The following PDE4D variants were observed in gnomAD, a reference collection of about 807,000 sequenced individuals.
PDE4D encodes 3',5'-cyclic-AMP phosphodiesterase 4D.
Under a neutral mutation model 87.4 loss-of-function variants are expected in PDE4D, and 24 were observed. The observed-to-expected ratio is 0.27, with a 90% CI of 0.20 to 0.39. The LOEUF is 0.39. Among genes scored for constraint, PDE4D ranks in the 10% least tolerant of loss-of-function variants. The pLI is 1.00. For synonymous variants in PDE4D, 384 were observed against 383.2 expected, an observed-to-expected ratio of 1.00 and a Z score of -0.02; for missense variants, 714 against 1,041.0, an observed-to-expected ratio of 0.69 and a Z score of 4.32.
intron 3 of PDE4D, among the ~76,000 whole-genome samples, chr5:59,938,721 A>T (rs572317843): frequency 9.9e-5 from 15 of 152,262 alleles, no homozygotes; most frequent in African/African-American, 2.9e-4. Flanking sequence ...TCCTGCTAGC[A>T]AGGCCTACCC....
chr5:60,301,552 T>C (rs1753894476), intron 1 of PDE4D, among the ~76,000 whole-genome samples: 1 of 152,224 alleles, frequency 6.6e-6, no homozygotes, highest in Admixed American at 6.5e-5. Context: ...CTTTTGCAAA[T>C]TGATTTTGTA....
intron 2 of PDE4D, among the ~76,000 whole-genome samples, chr5:60,000,502 G>C (rs942893201): frequency 5.3e-5 from 8 of 152,074 alleles, no homozygotes; most frequent in African/African-American, 1.9e-4. Flanking sequence ...TGAAAATGGA[G>C]GAGAAATAAA....
intron 5 of PDE4D, among the ~76,000 whole-genome samples, chr5:59,092,544 T>C (rs1037621533): frequency 3.0e-5 from 4 of 132,044 alleles, no homozygotes; most frequent in African/African-American, 1.1e-4. Context: ...ATAATGGACA[T>C]GAAAAATGAT....
chr5:59,657,861 C>A (rs954680727), intron 1 of PDE4D, among the ~76,000 whole-genome samples: 2 of 152,148 alleles, frequency 1.3e-5, no homozygotes, highest in South Asian at 4.1e-4. Context: ...TTTTATTGTA[C>A]AAACACTGTT....
At chr5:59,952,701 G>A (rs1361891522) in intron 3 of PDE4D, among the ~76,000 whole-genome samples, 1 of 152,142 alleles carries the variant, frequency 6.6e-6, no homozygotes, top group Non-Finnish European at 1.5e-5. Flanking sequence ...GGGGATGCTT[G>A]CCCTTGGATA....
At chr5:59,992,389 C>T (rs1026429949) in intron 2 of PDE4D, among the ~76,000 whole-genome samples, 4 of 152,174 alleles carry the variant, frequency 2.6e-5, no homozygotes, top group Admixed American at 1.3e-4. Context: ...ACCTTGTGAT[C>T]GTGTGAGTCA....
intron 2 of PDE4D, among the ~76,000 whole-genome samples, chr5:60,019,972 G>T (rs185405312): frequency 2.6e-5 from 4 of 151,674 alleles, no homozygotes; most frequent in Non-Finnish European, 4.4e-5. Flanking sequence ...AGCTTTCAAC[G>T]TGCCTTCCTC....
At chr5:59,801,768 C>G (rs944530482) in intron 1 of PDE4D, among the ~76,000 whole-genome samples, 3 of 152,222 alleles carry the variant, frequency 2.0e-5, no homozygotes, top group Admixed American at 2.0e-4. Context: ...CCAAACAACT[C>G]TGTTCCAATA....
At chr5:59,909,452 C>T (rs972648976) in intron 3 of PDE4D, among the ~76,000 whole-genome samples, 1 of 151,918 alleles carries the variant, frequency 6.6e-6, no homozygotes, top group Non-Finnish European at 1.5e-5. Flanking sequence ...CTGGAGTGCC[C>T]TGGCGCAATC....
At chr5:60,495,105 A>G (rs998617655) in intron 1 of PDE4D, among the ~76,000 whole-genome samples, 7 of 152,192 alleles carry the variant, frequency 4.6e-5, no homozygotes, top group African/African-American at 1.7e-4. Context: ...CCTTCCCACA[A>G]TACAGATAAA....
chr5:60,317,023 C>A (rs1392374382), intron 1 of PDE4D, among the ~76,000 whole-genome samples: 3 of 148,262 alleles, frequency 2.0e-5, no homozygotes, highest in Non-Finnish European at 4.5e-5. Context: ...GGAAGGATTC[C>A]CTCTTTTTCT....
intron 1 of PDE4D, among the ~76,000 whole-genome samples, chr5:59,856,023 A>G (rs1307494580): frequency 6.6e-6 from 1 of 152,138 alleles, no homozygotes; most frequent in Non-Finnish European, 1.5e-5. Context: ...CCCTCCAAAA[A>G]TGAGATGACA....
Position 59,592,225 on chromosome 5 carries a change from C to T in PDE4D, c.455+300943G>A, listed in dbSNP as rs115795638. ...ATTGTTGGTACTCAGTCAATGTTAA[C>T]TAATAACGATGTTGATAGTCATGAC... On this transcript the variant is annotated intron_variant, in intron 1 of 14. Coordinates refer to ENST00000340635, the MANE Select transcript of PDE4D (RefSeq NM_001104631.2). 2,263 of 777,292 alleles carry T rather than the reference C, an allele frequency of 2.9e-3. 37 individuals carry two copies. The East Asian group carries it at 0.046, about 16-fold the overall frequency. The allele number at this position is 777,292 out of a possible 1,614,324, so 48.1% of individuals were successfully genotyped here. A position where few individuals can be genotyped will look rare whatever the true frequency, so the allele number is the denominator to read the frequency against.
At chr5:59,730,012 G>C (rs1029433640) in intron 1 of PDE4D, among the ~76,000 whole-genome samples, 2 of 151,932 alleles carry the variant, frequency 1.3e-5, no homozygotes, top group African/African-American at 4.8e-5. Context: ...CTACACTCCT[G>C]GTGCTTAGGA....
At chr5:59,266,090 T>C (rs550953605) in intron 1 of PDE4D, among the ~76,000 whole-genome samples, 197 of 152,118 alleles carry the variant, frequency 1.3e-3, no homozygotes, top group Non-Finnish European at 2.3e-3. Context: ...AAACTTCATT[T>C]TTGAAGTTAA....
At chr5:60,162,075 C>A (rs945032120) in intron 2 of PDE4D, among the ~76,000 whole-genome samples, 1 of 151,984 alleles carries the variant, frequency 6.6e-6, no homozygotes, top group South Asian at 2.1e-4. Flanking sequence ...ATATTATGCC[C>A]TTTAATAAGC....
intron 1 of PDE4D, among the ~76,000 whole-genome samples, chr5:59,799,247 T>G (rs1766845398): frequency 6.6e-6 from 1 of 152,232 alleles, no homozygotes; most frequent in African/African-American, 2.4e-5. Flanking sequence ...GGGTCTGTTT[T>G]GATCTTGGAG....
intron 1 of PDE4D, among the ~76,000 whole-genome samples, chr5:59,374,719 T>C (rs1245122050): frequency 6.6e-6 from 1 of 152,212 alleles, no homozygotes; most frequent in Non-Finnish European, 1.5e-5. Context: ...CAACAGAATA[T>C]ACATTCTTCT....
At chr5:59,364,532 G>A (rs1782736241) in intron 1 of PDE4D, among the ~76,000 whole-genome samples, 3 of 152,140 alleles carry the variant, frequency 2.0e-5, no homozygotes, top group Admixed American at 2.0e-4. Context: ...TGATATATAT[G>A]CTATAGGTGA....
Sources: gnomAD v4.1 joint callset for allele counts (sites outside exome capture counted in the v4.1 genomes callset) on GRCh38, gnomAD v4.1.1 for gene constraint, MANE v1.5 for transcripts, NCBI Gene and HGNC (gene_info 2026-07-23, HGNC 2026-07-21) for gene names.